Variants in PDZRN4 observed in about 807,000 individuals in gnomAD.
PDZRN4 encodes the protein PDZ domain-containing RING finger protein 4.
Under a neutral mutation model 99.0 loss-of-function variants are expected in PDZRN4, and 70 were observed. The ratio of observed to expected loss-of-function variants is 0.71; its 90% CI spans 0.58 to 0.86. The LOEUF (loss-of-function observed/expected upper bound fraction) is 0.86. Ranked by LOEUF, PDZRN4 falls within the 40% of genes least tolerant of loss-of-function variation. The pLI is 0.00. For synonymous variants in PDZRN4, 551 were observed against 501.6 expected, an observed-to-expected ratio of 1.10 and a Z score of -1.32; for missense variants, 1,474 against 1,331.2, an observed-to-expected ratio of 1.11 and a Z score of -1.67.
At chr12:41,457,120 G>T (rs963643720) in intron 3 of PDZRN4, among the ~76,000 whole-genome samples, 2 of 151,926 alleles carry the variant, frequency 1.3e-5, no homozygotes, top group African/African-American at 4.8e-5. Context: ...ATTCACACAT[G>T]AAAATACTGT....
At chr12:41,528,733 A>G (rs780688896) in intron 5 of PDZRN4, among the ~76,000 whole-genome samples, 2 of 152,208 alleles carry the variant, frequency 1.3e-5, no homozygotes, top group East Asian at 3.8e-4. Context: ...CAGTTCTTTG[A>G]AACTACAGTT....
chr12:41,400,793 G>A (rs1294737984), intron 3 of PDZRN4, among the ~76,000 whole-genome samples: 1 of 152,154 alleles, frequency 6.6e-6, no homozygotes, highest in Non-Finnish European at 1.5e-5. Flanking sequence ...TACAAGTCAT[G>A]TAAAACATCT....
chr12:41,504,128 G>C (rs534081373), intron 3 of PDZRN4, among the ~76,000 whole-genome samples: 1 of 152,160 alleles, frequency 6.6e-6, no homozygotes, highest in Admixed American at 6.5e-5. Flanking sequence ...AGTTAGCCTG[G>C]CATGGTGGCA....
At chr12:41,270,332 G>A (rs899846609) in intron 3 of PDZRN4, among the ~76,000 whole-genome samples, 1 of 150,170 alleles carries the variant, frequency 6.7e-6, no homozygotes, top group Non-Finnish European at 1.5e-5. Flanking sequence ...GTGTCTGTGT[G>A]TGTGTGTGTG....
At chr12:41,505,093 A>G (rs1031861649) in intron 3 of PDZRN4, among the ~76,000 whole-genome samples, 2 of 152,132 alleles carry the variant, frequency 1.3e-5, no homozygotes, top group African/African-American at 4.8e-5. Flanking sequence ...CTGAGCACAC[A>G]CATATTCCTT....
At chr12:41,325,142 A>G (rs1040540917) in intron 3 of PDZRN4, among the ~76,000 whole-genome samples, 1 of 152,184 alleles carries the variant, frequency 6.6e-6, no homozygotes, top group Non-Finnish European at 1.5e-5. Flanking sequence ...CATGATTATT[A>G]CCTTTTTCTC....
In PDZRN4 at chr12:41,496,559, A is replaced by G. The variant is rs1259760770; in HGVS notation, c.844-9897A>G. 2.0e-5 allele frequency among the ~76,000 whole-genome samples: 3 copies of G among 152,076 alleles called. No homozygotes were observed. The East Asian group carries it at 5.8e-4, about 29-fold the overall frequency. ...CTCTTTTCTGCTACAACAATGAATGACAGGGCATTGAGGGGTTTAAGAGCA... is the reference window on the plus strand; with the variant it reads ...CTCTTTTCTGCTACAACAATGAATGGCAGGGCATTGAGGGGTTTAAGAGCA... On this transcript the variant is annotated intron_variant, in intron 3 of 9. Coordinates refer to ENST00000402685, the MANE Select transcript of PDZRN4 (RefSeq NM_001164595.2).
intron 5 of PDZRN4, among the ~76,000 whole-genome samples, chr12:41,525,942 G>A (rs182015946): frequency 1.3e-5 from 2 of 151,988 alleles, no homozygotes; most frequent in East Asian, 3.9e-4. Context: ...TTGATTCTCT[G>A]CCATTTTTAA....
chr12:41,275,671 T>G (rs796742110), intron 3 of PDZRN4, among the ~76,000 whole-genome samples: 1 of 141,942 alleles, frequency 7.0e-6, no homozygotes, highest in Non-Finnish European at 1.5e-5. Flanking sequence ...TTTAAAAAAA[T>G]AATCATTTCT....
At chr12:41,350,759 C>A (rs960631869) in intron 3 of PDZRN4, among the ~76,000 whole-genome samples, 3 of 151,970 alleles carry the variant, frequency 2.0e-5, no homozygotes, top group Non-Finnish European at 4.4e-5. Context: ...TTGAATATAT[C>A]CCCCCAGTTA....
intron 3 of PDZRN4, among the ~76,000 whole-genome samples, chr12:41,248,329 G>T (rs147932572): frequency 1.3e-5 from 2 of 152,164 alleles, no homozygotes; most frequent in East Asian, 1.9e-4. Context: ...AAATTTTTTG[G>T]CTAAGAAACA....
intron 3 of PDZRN4, among the ~76,000 whole-genome samples, chr12:41,443,559 G>A (rs1309953355): frequency 6.6e-6 from 1 of 152,078 alleles, no homozygotes; most frequent in East Asian, 1.9e-4. Context: ...ATTTGGTTAT[G>A]GTGTGTGTTT....
chr12:41,431,894 T>C (rs1952589261), intron 3 of PDZRN4, among the ~76,000 whole-genome samples: 1 of 152,208 alleles, frequency 6.6e-6, no homozygotes, highest in Admixed American at 6.5e-5. Context: ...TGATGTTAGT[T>C]AATGTTGCAC....
chr12:41,403,980 G>C (rs1005057507), intron 3 of PDZRN4, among the ~76,000 whole-genome samples: 4 of 152,056 alleles, frequency 2.6e-5, no homozygotes, highest in African/African-American at 9.7e-5. Flanking sequence ...GGAACCCTCA[G>C]GGATACCAAA....
At chr12:41,528,806 CA>C (rs1274910612) in intron 5 of PDZRN4, among the ~76,000 whole-genome samples, 1 of 152,154 alleles carries the variant, frequency 6.6e-6, no homozygotes, top group Non-Finnish European at 1.5e-5. Flanking sequence ...CATAAGTTTT[CA>C]AAAAGTGTTA....
At chr12:41,441,037 A>AT (rs1952676666) in intron 3 of PDZRN4, among the ~76,000 whole-genome samples, 1 of 152,054 alleles carries the variant, frequency 6.6e-6, no homozygotes, top group Non-Finnish European at 1.5e-5. Context: ...TTTAAGCTTG[A>AT]TTTTTTCACA....
intron 5 of PDZRN4, among the ~76,000 whole-genome samples, chr12:41,547,210 C>T (rs1938969245): frequency 6.6e-6 from 1 of 152,164 alleles, no homozygotes; most frequent in South Asian, 2.1e-4. Context: ...TTCCTGGTTT[C>T]CTTCTATAGC....
intron 3 of PDZRN4, among the ~76,000 whole-genome samples, chr12:41,397,670 A>G (rs1001487635): frequency 2.6e-5 from 4 of 152,104 alleles, no homozygotes; most frequent in Non-Finnish European, 5.9e-5. Context: ...AAGAGCCCAC[A>G]TTTTGTTTTC....
At chr12:41,254,867 C>T (rs912434242) in intron 3 of PDZRN4, among the ~76,000 whole-genome samples, 7 of 152,114 alleles carry the variant, frequency 4.6e-5, no homozygotes. Context: ...AGGAGGATCA[C>T]TTAAGGCCAA....
Sources: gnomAD v4.1 joint callset for allele counts (sites outside exome capture counted in the v4.1 genomes callset) on GRCh38, gnomAD v4.1.1 for gene constraint, MANE v1.5 for transcripts, NCBI Gene and HGNC (gene_info 2026-07-23, HGNC 2026-07-21) for gene names.